The following RNGTT variants were observed in gnomAD, a reference collection of about 807,000 sequenced individuals.
RNGTT encodes the protein mRNA-capping enzyme.
A neutral mutation model predicts 79.3 loss-of-function variants in RNGTT; 33 were observed. The ratio of observed to expected loss-of-function variants is 0.42; its 90% CI spans 0.32 to 0.56. The LOEUF is 0.56. RNGTT is among the 20% of genes least tolerant of loss of function. The pLI is 0.17. For synonymous variants in RNGTT, 222 were observed against 235.9 expected (o/e 0.94, Z 0.54); for missense variants, 497 against 739.1 (o/e 0.67, Z 3.80).
At chr6:88,726,604 C>T (rs534076783) in intron 13 of RNGTT, among the ~76,000 whole-genome samples, 136 of 152,200 alleles carry the variant, frequency 8.9e-4, no homozygotes, top group Non-Finnish European at 1.7e-3. Flanking sequence ...TAGATGGTTC[C>T]TCCTGGGTGA....
intron 2 of RNGTT, among the ~76,000 whole-genome samples, chr6:88,931,890 T>G (rs1784524012): frequency 6.6e-6 from 1 of 152,130 alleles, no homozygotes. Context: ...GTGATGATTG[T>G]GTTAACTGCA....
In RNGTT at chr6:88,756,345, C is replaced by T. The variant is rs543496875; in HGVS notation, c.1439+13429G>A. Among the ~76,000 whole-genome samples the T allele has an allele frequency of 2.8e-4, 43 of 152,002 alleles. 1 individual carries two copies. Among genetic ancestry groups the T allele is most frequent in the South Asian group, 6.3e-4 (3 of 4,798 alleles). ...AAAATCAGCCAGGCGTGACGGTGCG[C>T]GCCTGTAATCCCAGCTACTCGGGAG... is the stretch of plus-strand genomic sequence containing the variant. On this transcript the variant is annotated intron_variant, in intron 13 of 15. Transcript: ENST00000369485.
intron 13 of RNGTT, among the ~76,000 whole-genome samples, chr6:88,679,647 C>G (rs1357788015): frequency 6.6e-6 from 1 of 152,106 alleles, no homozygotes; most frequent in African/African-American, 2.4e-5. Context: ...TTCTAATATG[C>G]CCATCTCTCT....
In RNGTT at chr6:88,826,788, G is replaced by GAAA. The variant is rs1189448559; in HGVS notation, c.1269+17566_1269+17568dup. Among the ~76,000 whole-genome samples the GAAA allele has an allele frequency of 1.4e-3, 96 of 69,738 alleles. 3 individuals carry two copies. The highest frequency in any genetic ancestry group is 2.2e-3 in the African/African-American group (32 of 14,676). 45.8% of individuals were successfully genotyped at this position (69,738 alleles called of 152,430 possible). A position where few individuals can be genotyped will look rare whatever the true frequency, so the allele number is the denominator to read the frequency against. ...ACAAGAGCAAAACCCTGTCTCAAAAGAAAAAAAAAAAATATATATATATAT... is the reference window on the plus strand; with the variant it reads ...ACAAGAGCAAAACCCTGTCTCAAAAGAAAAAAAAAAAAAAATATATATATATAT... On this transcript the variant is annotated intron_variant, in intron 11 of 15. Transcript: ENST00000369485.
chr6:88,787,360 T>C lies in RNGTT; in HGVS notation c.1338+14204A>G, dbSNP rs371210752. ...AGAGATTAAGGAAGATCACTCGATA[T>C]GGAGAGAAGAAAAGATTGGGCCAGG... On this transcript the variant is annotated intron_variant, in intron 12 of 15. Coordinates refer to ENST00000369485, the MANE Select transcript of RNGTT (RefSeq NM_003800.5). Among the ~76,000 whole-genome samples, 309 of 152,162 alleles carry C rather than the reference T, an allele frequency of 2.0e-3. 7 individuals are homozygous for C. The highest frequency in any genetic ancestry group is 7.1e-3 in the African/African-American group (295 of 41,538).
chr6:88,717,117 C>T (rs577613058), intron 13 of RNGTT, among the ~76,000 whole-genome samples: 4 of 152,232 alleles, frequency 2.6e-5, no homozygotes, highest in African/African-American at 7.2e-5. Context: ...CACAAAGGAG[C>T]TATAGTGTAG....
In RNGTT at chr6:88,901,830, T is replaced by G. The variant is rs75214433; in HGVS notation, c.684+2885A>C. 1.3e-3 allele frequency among the ~76,000 whole-genome samples: 193 copies of G among 152,162 alleles called. 1 individual carries two copies. Among genetic ancestry groups the G allele is most frequent in the African/African-American group, 4.3e-3 (180 of 41,484 alleles). On this transcript the variant is annotated intron_variant, in intron 6 of 15. Coordinates refer to ENST00000369485, the MANE Select transcript of RNGTT (RefSeq NM_003800.5). Reference sequence around the variant, plus strand: ...TGATTTTTATACTCAGAAAAAACATTCTTCAAAATGATGTCGAAAAAGACA... The same window carrying G: ...TGATTTTTATACTCAGAAAAAACATGCTTCAAAATGATGTCGAAAAAGACA...
intron 12 of RNGTT, among the ~76,000 whole-genome samples, chr6:88,783,962 A>G (rs1779148294): frequency 6.6e-6 from 1 of 152,092 alleles, no homozygotes; most frequent in Non-Finnish European, 1.5e-5. Flanking sequence ...CCTCTGTGCT[A>G]GAGGACAGTA....
intron 13 of RNGTT, among the ~76,000 whole-genome samples, chr6:88,704,134 C>T (rs1776039926): frequency 6.6e-6 from 1 of 151,722 alleles, no homozygotes; most frequent in Non-Finnish European, 1.5e-5. Context: ...GTGGCGGGCG[C>T]CTGTAATCCC....
chr6:88,702,571 A>G (rs1448604490), intron 13 of RNGTT, among the ~76,000 whole-genome samples: 1 of 152,208 alleles, frequency 6.6e-6, no homozygotes, highest in Non-Finnish European at 1.5e-5. Context: ...GAGATGAATT[A>G]AAGACTTAAA....
chr6:88,722,027 A>G (rs1215177437), intron 13 of RNGTT, among the ~76,000 whole-genome samples: 1 of 151,810 alleles, frequency 6.6e-6, no homozygotes, highest in Non-Finnish European at 1.5e-5. Context: ...AGGTTGGCAT[A>G]CACATGCCTC....
intron 13 of RNGTT, among the ~76,000 whole-genome samples, chr6:88,690,411 T>TAA (rs386407874): frequency 0.23 from 34,266 of 149,514 alleles, 6,101 homozygotes; most frequent in African/African-American, 0.5. Flanking sequence ...ATTTTAAAAT[T>TAA]AAAAAAAAAA....
At chr6:88,634,211 C>T (rs955665004) in intron 14 of RNGTT, among the ~76,000 whole-genome samples, 9 of 152,134 alleles carry the variant, frequency 5.9e-5, no homozygotes, top group Admixed American at 1.3e-4. Flanking sequence ...TAACTCTTCA[C>T]ATTTTTATAA....
intron 8 of RNGTT, among the ~76,000 whole-genome samples, chr6:88,858,448 G>C (rs550689348): frequency 6.2e-4 from 94 of 152,250 alleles, no homozygotes; most frequent in Non-Finnish European, 1.0e-3. Context: ...AGCCTACAAA[G>C]GTAGAGCCTG....
intron 10 of RNGTT, 125 bp downstream of exon 10, chr6:88,849,630 C>A: frequency 1.4e-6 from 1 of 738,260 alleles, no homozygotes. Flanking sequence ...AAAAAGATTC[C>A]CAGTGAGTAA....
At chr6:88,843,034 C>T (rs1374745265) in intron 11 of RNGTT, among the ~76,000 whole-genome samples, 1 of 151,922 alleles carries the variant, frequency 6.6e-6, no homozygotes, top group African/African-American at 2.4e-5. Flanking sequence ...GAGATGGCAC[C>T]ATTGCACTCC....
intron 9 of RNGTT, 107 bp downstream of exon 9, chr6:88,853,522 A>C: frequency 1.2e-6 from 1 of 835,680 alleles, no homozygotes; most frequent in Non-Finnish European, 1.9e-6. Flanking sequence ...AAAAAAAAAA[A>C]GTTAGATTTC....
chr6:88,958,341 A>G (rs1785502499), intron 1 of RNGTT, among the ~76,000 whole-genome samples: 1 of 152,220 alleles, frequency 6.6e-6, no homozygotes, highest in South Asian at 2.1e-4. Flanking sequence ...ACCCAAAAGC[A>G]AATGCAACAA....
At chr6:88,736,100 GA>G (rs1014708824) in intron 13 of RNGTT, among the ~76,000 whole-genome samples, 1 of 152,084 alleles carries the variant, frequency 6.6e-6, no homozygotes, top group African/African-American at 2.4e-5. Context: ...TCAATTCTTT[GA>G]AAGGCACAAG....
Sources: allele counts gnomAD v4.1 joint callset (sites outside exome capture counted in the v4.1 genomes callset), GRCh38; gene constraint gnomAD v4.1.1; transcripts MANE v1.5; gene names NCBI Gene and HGNC (gene_info 2026-07-23, HGNC 2026-07-21).